RFX7: variants seen among roughly 807,000 people sequenced by gnomAD.
RFX7 encodes the protein regulatory factor X7, also known as DNA-binding protein RFX7.
In RFX7, 26 loss-of-function variants were observed where a neutral mutation model predicts 111.8. The observed-to-expected ratio is 0.23, with a 90% CI of 0.17 to 0.32. The LOEUF (loss-of-function observed/expected upper bound fraction) is 0.32, where lower values mean the gene tolerates loss of function less well. Among genes scored for constraint, RFX7 ranks in the 10% least tolerant of loss-of-function variants. The pLI, the probability that RFX7 is intolerant of heterozygous loss-of-function variation, is 1.00. For missense variants in RFX7, 1,573 were observed against 1,772.9 expected (o/e 0.89, Z 2.02); for synonymous variants, 624 against 624.4 (o/e 1.00, Z 0.01).
intron 3 of RFX7, among the ~76,000 whole-genome samples, chr15:56,152,742 C>CAA (rs878893842): frequency 7.5e-4 from 87 of 116,672 alleles, no homozygotes; most frequent in African/African-American, 2.6e-3. Flanking sequence ...AAAAACCCTT[C>CAA]AAAAAAAAAA....
chr15:56,183,047 C>T (rs2042993105), intron 2 of RFX7, among the ~76,000 whole-genome samples: 1 of 151,948 alleles, frequency 6.6e-6, no homozygotes, highest in Admixed American at 6.6e-5. Flanking sequence ...AGTTACTATT[C>T]CAATGGGCAT....
chr15:56,166,427 G>C (rs146101790), intron 3 of RFX7, among the ~76,000 whole-genome samples: 52 of 152,160 alleles, frequency 3.4e-4, no homozygotes, highest in African/African-American at 1.1e-3. Flanking sequence ...ATTAGAATTA[G>C]TTGGGAGACT....
intron 3 of RFX7, among the ~76,000 whole-genome samples, chr15:56,155,142 T>C (rs1270947567): frequency 6.6e-6 from 1 of 151,804 alleles, no homozygotes; most frequent in Non-Finnish European, 1.5e-5. Flanking sequence ...TCTGGAGAGG[T>C]TGTGGAAAAA....
intron 2 of RFX7, among the ~76,000 whole-genome samples, chr15:56,199,447 T>C (rs2043174176): frequency 6.6e-6 from 1 of 152,152 alleles, no homozygotes; most frequent in Non-Finnish European, 1.5e-5. Context: ...ATATGTATTT[T>C]GGGGAGGCAG....
At chr15:56,187,211 A>AT (rs572991858) in intron 2 of RFX7, among the ~76,000 whole-genome samples, 5,906 of 142,168 alleles carry the variant, frequency 0.042, 352 homozygotes, top group African/African-American at 0.13. Context: ...TACTGGTAGA[A>AT]TTTTTTTTTT....
chr15:56,180,750 C>CAA lies in RFX7; in HGVS notation c.162-1449_162-1448dup, dbSNP rs869160446. On this transcript the variant is annotated intron_variant, in intron 2 of 9. Transcript: ENST00000559447. Reference sequence around the variant, plus strand: ...GTAAAACCCCATATCTACTAAAATACAAAAAAAAAAAAAAAAAAAAGCCGA... The same window carrying CAA: ...GTAAAACCCCATATCTACTAAAATACAAAAAAAAAAAAAAAAAAAAAAGCCGA... Among the ~76,000 whole-genome samples the CAA allele has an allele frequency of 3.2e-3, 212 of 65,570 alleles. 2 individuals are homozygous for CAA. Among genetic ancestry groups the CAA allele is most frequent in the African/African-American group, 0.011 (175 of 16,660 alleles). 43.0% of individuals were successfully genotyped at this position (65,570 alleles called of 152,430 possible). A position where few individuals can be genotyped will look rare whatever the true frequency, so the allele number is the denominator to read the frequency against.
chr15:56,105,354 C>A (rs1463806262), intron 5 of RFX7, among the ~76,000 whole-genome samples: 2 of 152,150 alleles, frequency 1.3e-5, no homozygotes, highest in Non-Finnish European at 2.9e-5. Flanking sequence ...TCAAGCAGGG[C>A]AGTGACCATA....
intron 2 of RFX7, among the ~76,000 whole-genome samples, chr15:56,227,645 T>C (rs1311567264): frequency 1.3e-5 from 2 of 152,332 alleles, no homozygotes; most frequent in African/African-American, 4.8e-5. Context: ...GTATTCTCAA[T>C]TCCTTCATCC....
At chr15:56,143,955 C>T (rs1241305591) in intron 4 of RFX7, among the ~76,000 whole-genome samples, 1 of 152,140 alleles carries the variant, frequency 6.6e-6, no homozygotes, top group Non-Finnish European at 1.5e-5. Context: ...AAGCACTTAA[C>T]ACACCTTACA....
At chr15:56,158,820 C>T (rs1217651413) in intron 3 of RFX7, among the ~76,000 whole-genome samples, 2 of 151,830 alleles carry the variant, frequency 1.3e-5, no homozygotes, top group African/African-American at 4.8e-5. Flanking sequence ...CCTGTCTCAA[C>T]AAAACAAAAC....
chr15:56,225,060 G>A (rs2043467329), intron 2 of RFX7, among the ~76,000 whole-genome samples: 1 of 152,096 alleles, frequency 6.6e-6, no homozygotes, highest in Non-Finnish European at 1.5e-5. Flanking sequence ...AACAAGAACA[G>A]CAGTAACAAA....
chr15:56,137,295 C>A lies in RFX7; in HGVS notation c.401+5483G>T, dbSNP rs200318599. 7.9e-5 allele frequency among the ~76,000 whole-genome samples: 12 copies of A among 151,998 alleles called. No individual in the cohort carries two copies. In the East Asian group the frequency reaches 2.1e-3, roughly 27 times the overall value. ...TTGATTATTGCCACAATTTCAGATCCTGTTATTGGTCTATTCAGATATTCA... is the reference window on the plus strand; with the variant it reads ...TTGATTATTGCCACAATTTCAGATCATGTTATTGGTCTATTCAGATATTCA... On this transcript the variant is annotated intron_variant, in intron 5 of 9. Transcript: ENST00000559447.
chr15:56,154,958 T>G (rs2042631049), intron 3 of RFX7, among the ~76,000 whole-genome samples: 1 of 151,998 alleles, frequency 6.6e-6, no homozygotes, highest in Non-Finnish European at 1.5e-5. Context: ...CATCAAAAAA[T>G]GGGCAAAGGG....
At chr15:56,188,133 C>A (rs1233444982) in intron 2 of RFX7, among the ~76,000 whole-genome samples, 1 of 151,852 alleles carries the variant, frequency 6.6e-6, no homozygotes, top group Non-Finnish European at 1.5e-5. Flanking sequence ...ATGAAAAAAA[C>A]CAAATGGAAG....
intron 2 of RFX7, among the ~76,000 whole-genome samples, chr15:56,235,757 A>G (rs1410212108): frequency 6.6e-6 from 1 of 152,212 alleles, no homozygotes; most frequent in Non-Finnish European, 1.5e-5. Context: ...AATCAGACTT[A>G]GCATGCAAGT....
intron 5 of RFX7, among the ~76,000 whole-genome samples, chr15:56,119,691 C>T (rs1479278453): frequency 6.6e-6 from 1 of 150,656 alleles, no homozygotes; most frequent in Non-Finnish European, 1.5e-5. Flanking sequence ...GCAGGAGAAT[C>T]GCGTGAACCT....
At chr15:56,232,212 C>T (rs1307265859) in intron 2 of RFX7, among the ~76,000 whole-genome samples, 1 of 152,206 alleles carries the variant, frequency 6.6e-6, no homozygotes, top group Non-Finnish European at 1.5e-5. Flanking sequence ...GGGCTTCAAC[C>T]CCACATTTCC....
intron 5 of RFX7, among the ~76,000 whole-genome samples, chr15:56,120,745 T>C (rs1320101731): frequency 6.6e-6 from 1 of 152,172 alleles, no homozygotes; most frequent in African/African-American, 2.4e-5. Context: ...TGCTTTTTAT[T>C]TTTCTGTGTA....
intron 5 of RFX7, among the ~76,000 whole-genome samples, chr15:56,120,867 GAACT>G (rs1232072562): frequency 6.6e-6 from 1 of 152,134 alleles, no homozygotes; most frequent in African/African-American, 2.4e-5. Flanking sequence ...AGCCAAAAGA[GAACT>G]AATAAAACCT....
Sources: gnomAD v4.1 joint callset for allele counts (sites outside exome capture counted in the v4.1 genomes callset) on GRCh38, gnomAD v4.1.1 for gene constraint, MANE v1.5 for transcripts, NCBI Gene and HGNC (gene_info 2026-07-23, HGNC 2026-07-21) for gene names.